Variants in GLT1D1 observed in about 807,000 individuals in gnomAD.
GLT1D1 encodes the protein glycosyltransferase 1 domain-containing protein 1.
In GLT1D1, 21 loss-of-function variants were observed where a neutral mutation model predicts 28.7. The observed-to-expected ratio is 0.73, with a 90% CI of 0.52 to 1.05. The LOEUF (loss-of-function observed/expected upper bound fraction) is 1.05, where lower values mean the gene tolerates loss of function less well. Among genes scored for constraint, GLT1D1 ranks in the 50% least tolerant of loss-of-function variants. The pLI is 0.00. For missense variants in GLT1D1, 343 were observed against 330.6 expected (o/e 1.04, Z -0.29); for synonymous variants, 147 against 124.8 (o/e 1.18, Z -1.19).
At chr12:128,855,610 G>A (rs939935046) in intron 1 of GLT1D1, among the ~76,000 whole-genome samples, 5 of 151,970 alleles carry the variant, frequency 3.3e-5, no homozygotes, top group South Asian at 2.1e-4. Context: ...TCCAGAACCC[G>A]ATAGAGGGTT....
Position 128,894,614 on chromosome 12 carries a change from T to TGGGTGGATCACTTGAGGCCAGGAGTC in GLT1D1, c.324-4597_324-4596insCGGGTGGATCACTTGAGGCCAGGAGT, listed in dbSNP as rs1339071804. Among the ~76,000 whole-genome samples, 5 of 151,896 alleles carry TGGGTGGATCACTTGAGGCCAGGAGTC rather than the reference T, an allele frequency of 3.3e-5. No homozygotes were observed. The East Asian group carries it at 9.7e-4, about 29-fold the overall frequency. On this transcript the variant is annotated intron_variant, in intron 3 of 7. Transcript: ENST00000281703. ...ATCCCAGCACTTTGGGAGGCTGAGT[T>TGGGTGGATCACTTGAGGCCAGGAGTC]GGGTGGATCACTTGAGGCCAGGAGT...
chr12:128,887,306 C>T (rs1002508743), intron 2 of GLT1D1, among the ~76,000 whole-genome samples: 7 of 152,228 alleles, frequency 4.6e-5, no homozygotes, highest in Admixed American at 1.3e-4. Flanking sequence ...TGTGAGCCAC[C>T]GCACCTGGCC....
intron 4 of GLT1D1, among the ~76,000 whole-genome samples, chr12:128,922,058 A>G (rs1015411563): frequency 6.6e-6 from 1 of 151,946 alleles, no homozygotes; most frequent in African/African-American, 2.4e-5. Context: ...GCACATCAAG[A>G]ATATGGGGGA....
chr12:128,894,264 C>T (rs1432803664), intron 3 of GLT1D1, among the ~76,000 whole-genome samples: 3 of 152,102 alleles, frequency 2.0e-5, no homozygotes, highest in African/African-American at 7.2e-5. Context: ...GAATGTGCCT[C>T]GACTGGTGAC....
intron 3 of GLT1D1, among the ~76,000 whole-genome samples, chr12:128,897,465 T>C (rs1040147964): frequency 2.0e-5 from 3 of 152,182 alleles, no homozygotes; most frequent in Non-Finnish European, 4.4e-5. Context: ...TGGTATCCAA[T>C]AATGTCATAG....
At position 128,876,040 on chromosome 12, in the gene GLT1D1, T is replaced by C. The variant is rs770656717; in HGVS notation, c.195T>C (p.Tyr65=). 7 of 1,607,828 alleles carry C rather than the reference T, an allele frequency of 4.4e-6. No individual in the cohort carries two copies. Among genetic ancestry groups the C allele is most frequent in the East Asian group, 2.2e-5 (1 of 44,842 alleles). ...AGGCTGCCCTGGCTCTTCATCTCTA[T>C]AGGGGAGGCAGGCTTTTGCAAGGTA... The change falls in exon 2 of 8, where the codon TAT becomes TAC. Residue 65 remains tyrosine, a synonymous_variant. Transcript: ENST00000281703.
chr12:128,959,771 C>T (rs771669664), intron 7 of GLT1D1, among the ~76,000 whole-genome samples: 16 of 152,290 alleles, frequency 1.1e-4, no homozygotes, highest in African/African-American at 3.4e-4. Flanking sequence ...TCAAAATCAA[C>T]GCCAGCCAAG....
chr12:128,896,229 T>A (rs1313077263), intron 3 of GLT1D1, among the ~76,000 whole-genome samples: 2 of 152,116 alleles, frequency 1.3e-5, no homozygotes, highest in Non-Finnish European at 2.9e-5. Context: ...AAGGGAGTAG[T>A]TTTTATAATG....
intron 4 of GLT1D1, among the ~76,000 whole-genome samples, chr12:128,924,553 T>C (rs1195995948): frequency 6.6e-6 from 1 of 151,640 alleles, no homozygotes; most frequent in African/African-American, 2.4e-5. Flanking sequence ...GCCTCCCGGG[T>C]TCAAGTGATT....
chr12:128,955,593 C>A (rs552200136), intron 6 of GLT1D1, among the ~76,000 whole-genome samples: 1 of 151,916 alleles, frequency 6.6e-6, no homozygotes, highest in East Asian at 1.9e-4. Flanking sequence ...TTAGTGTCCC[C>A]CAACCCAGCT....
At chr12:128,879,279 A>T (rs768679937) in intron 2 of GLT1D1, among the ~76,000 whole-genome samples, 41 of 152,106 alleles carry the variant, frequency 2.7e-4, no homozygotes, top group Non-Finnish European at 5.4e-4. Context: ...AGAATCCATT[A>T]GCTATTCTTC....
intron 7 of GLT1D1, among the ~76,000 whole-genome samples, chr12:128,975,377 A>G (rs1024969945): frequency 4.6e-5 from 7 of 152,056 alleles, no homozygotes; most frequent in Non-Finnish European, 8.8e-5. Context: ...ATTGACTGAG[A>G]GGTTATTTCT....
chr12:128,950,264 T>A (rs1424163926), intron 6 of GLT1D1, among the ~76,000 whole-genome samples: 1 of 152,202 alleles, frequency 6.6e-6, no homozygotes, highest in Non-Finnish European at 1.5e-5. Context: ...GATCACTTCC[T>A]TCAAAAGTGA....
At chr12:128,982,851 A>C in intron 7 of GLT1D1, 78 bp from the exon 12 acceptor site, 1 of 1,366,326 alleles carries the variant, frequency 7.3e-7, no homozygotes. Context: ...CAGCCAATGC[A>C]GACACAGGAT....
chr12:128,939,844 C>CCCCG (rs1874975732), intron 4 of GLT1D1, among the ~76,000 whole-genome samples: 1 of 145,324 alleles, frequency 6.9e-6, no homozygotes, highest in Admixed American at 6.8e-5. Context: ...GAAACCCCCC[C>CCCCG]CCACCGCCGA....
At chr12:128,944,080 C>T (rs1875710665) in intron 4 of GLT1D1, among the ~76,000 whole-genome samples, 1 of 152,166 alleles carries the variant, frequency 6.6e-6, no homozygotes, top group Non-Finnish European at 1.5e-5. Flanking sequence ...TAGATGATTT[C>T]AAAGGATGAA....
At chr12:128,976,632 C>G (rs116696598) in intron 7 of GLT1D1, among the ~76,000 whole-genome samples, 233 of 152,310 alleles carry the variant, frequency 1.5e-3, no homozygotes, top group African/African-American at 5.2e-3. Flanking sequence ...CTGTGATTGA[C>G]TGTAGCTCAT....
chr12:128,982,084 C>CT (rs1204982388), intron 7 of GLT1D1, among the ~76,000 whole-genome samples: 1 of 152,180 alleles, frequency 6.6e-6, no homozygotes, highest in Non-Finnish European at 1.5e-5. Flanking sequence ...CAGGAGCACT[C>CT]TTTCATTGCT....
chr12:128,959,020 T>A (rs529460669), intron 7 of GLT1D1, among the ~76,000 whole-genome samples: 1 of 151,482 alleles, frequency 6.6e-6, no homozygotes, highest in African/African-American at 2.4e-5. Flanking sequence ...TTTATTTTTT[T>A]AGAGACAGGA....
Sources: allele counts gnomAD v4.1 joint callset (sites outside exome capture counted in the v4.1 genomes callset), GRCh38; gene constraint gnomAD v4.1.1; transcripts MANE v1.5; gene names NCBI Gene and HGNC (gene_info 2026-07-23, HGNC 2026-07-21).